KDM4C: variants seen among roughly 807,000 people sequenced by gnomAD.
KDM4C encodes the protein lysine demethylase 4C, also known as lysine-specific demethylase 4C.
A neutral mutation model predicts 129.3 loss-of-function variants in KDM4C; 81 were observed. That is an observed-to-expected ratio of 0.63 (90% CI 0.52 to 0.75). The LOEUF (loss-of-function observed/expected upper bound fraction) is 0.75, where lower values mean the gene tolerates loss of function less well. Among genes scored for constraint, KDM4C ranks in the 30% least tolerant of loss-of-function variants. KDM4C has a pLI of 0.00. For missense variants in KDM4C, 1,457 were observed against 1,304.0 expected, an observed-to-expected ratio of 1.12 and a Z score of -1.81; for synonymous variants, 573 against 456.1, an observed-to-expected ratio of 1.26 and a Z score of -3.26.
At chr9:6,912,961 T>G (rs1157090229) in intron 8 of KDM4C, among the ~76,000 whole-genome samples, 6 of 152,290 alleles carry the variant, frequency 3.9e-5, no homozygotes, top group African/African-American at 1.4e-4. Context: ...TCTATATTGT[T>G]CCAAATCAGT....
At chr9:6,835,713 G>T in intron 4 of KDM4C, 1 of 652,012 alleles carries the variant, frequency 1.5e-6, no homozygotes. Context: ...CTTGACTCAG[G>T]ATTTAAAAAC....
In KDM4C at chr9:7,013,916, A is replaced by G. The variant is rs760366293; in HGVS notation, c.2097A>G (p.Glu699=). The part of the protein sequence containing the change: ...MCFIYSEENI[E]YSPPNAFLEE... ...TTATTTATAGTGAAGAAAATATAGAATATTCTCCACCCAATGCCTTCCTTG... is the reference window on the plus strand; with the variant it reads ...TTATTTATAGTGAAGAAAATATAGAGTATTCTCCACCCAATGCCTTCCTTG... Residue 699 remains glutamate, a synonymous_variant, in exon 14 of 22, where the codon GAA becomes GAG. Transcript: ENST00000381309. 6.2e-7 allele frequency: 1 copy of G among 1,614,030 alleles called. No homozygotes were observed. Among genetic ancestry groups the G allele is most frequent in the East Asian group, 2.2e-5 (1 of 44,872 alleles).
In KDM4C at chr9:7,080,365, G is replaced by A. The variant is rs1410522455; in HGVS notation, c.2425-23320G>A. 2.7e-4 allele frequency among the ~76,000 whole-genome samples: 41 copies of A among 152,198 alleles called. 1 individual carries two copies. The highest frequency in any genetic ancestry group is 4.4e-5 in the Non-Finnish European group (3 of 68,036). ...GGCCCCTAAATGGCTGTGGAGGAGA[G>A]CTACCCCACTGAACTATTTGCCAGC... On this transcript the variant is annotated intron_variant, in intron 17 of 21. Transcript: ENST00000381309.
intron 8 of KDM4C, among the ~76,000 whole-genome samples, chr9:6,927,183 G>GC (rs1563826998): frequency 6.6e-6 from 1 of 151,690 alleles, no homozygotes; most frequent in Non-Finnish European, 1.5e-5. Context: ...TGGCTGTAGT[G>GC]CAGTGGCATG....
At chr9:7,028,174 C>T (rs1826111079) in intron 15 of KDM4C, among the ~76,000 whole-genome samples, 1 of 151,998 alleles carries the variant, frequency 6.6e-6, no homozygotes, top group East Asian at 1.9e-4. Flanking sequence ...CTTGTGGCCA[C>T]CATTACCTAG....
intron 8 of KDM4C, among the ~76,000 whole-genome samples, chr9:6,953,810 A>T: frequency 6.6e-6 from 1 of 152,280 alleles, no homozygotes; most frequent in South Asian, 2.1e-4. Flanking sequence ...CTTCTCCCAA[A>T]CTTGAATGGT....
In KDM4C at chr9:7,165,250, C is replaced by G. The variant is rs751436415; in HGVS notation, c.2794C>G (p.Leu932Val). ...GTTTATTCTGCAGAGCCGAGACTGT[C>G]TGAAGCTGGGCCCACCTGCTGAGGG... Reference protein sequence around the residue: ...FPEDIVSRDCLKLGPPAEGEV... With the variant: ...FPEDIVSRDCVKLGPPAEGEV... The change falls in exon 20 of 22, where the codon CTG becomes GTG. Residue 932 changes from leucine to valine, a missense_variant. Physicochemically the swap from Leu to Val is conservative, Grantham distance 32. Transcript: ENST00000381309. The G allele has an allele frequency of 5.0e-6, 8 of 1,614,040 alleles. No individual in the cohort carries two copies. The South Asian group carries it at 7.7e-5, about 16-fold the overall frequency.
chr9:7,110,917 G>C (rs1407865), intron 18 of KDM4C, among the ~76,000 whole-genome samples: 53,903 of 151,972 alleles, frequency 0.35, 9,972 homozygotes, highest in Middle Eastern at 0.51. Flanking sequence ...TGTTTAGCCA[G>C]ATCATCAAAA....
At chr9:6,820,235 G>A (rs778024603) in intron 4 of KDM4C, among the ~76,000 whole-genome samples, 1 of 152,150 alleles carries the variant, frequency 6.6e-6, no homozygotes, top group Non-Finnish European at 1.5e-5. Context: ...GAGTGGGGAC[G>A]ACATCTGAAC....
At position 6,780,305 on chromosome 9, in the gene KDM4C, A is replaced by G. The variant is rs150073544; in HGVS notation, c.-17-12667A>G. On this transcript the variant is annotated intron_variant, in intron 1 of 21. Transcript: ENST00000381309. Reference sequence around the variant, plus strand: ...TAAGTTGAATCCTTTGGAAAGCACCATTAAAGATGAGGTAATTTATTTTTA... The same window carrying G: ...TAAGTTGAATCCTTTGGAAAGCACCGTTAAAGATGAGGTAATTTATTTTTA... Among the ~76,000 whole-genome samples, 9 of 127,342 alleles carry G rather than the reference A, an allele frequency of 7.1e-5. No homozygotes were observed. In the Admixed American group the frequency reaches 7.6e-4, roughly 11 times the overall value. The allele number at this position is 127,342 out of a possible 152,430, so 83.5% of individuals were successfully genotyped here.
chr9:6,943,463 C>G (rs1240052261), intron 8 of KDM4C, among the ~76,000 whole-genome samples: 3 of 152,072 alleles, frequency 2.0e-5, no homozygotes, highest in Non-Finnish European at 4.4e-5. Flanking sequence ...AATCCTGGCA[C>G]TTCAGGACGC....
At chr9:7,060,409 T>G (rs1314269778) in intron 17 of KDM4C, among the ~76,000 whole-genome samples, 4 of 150,788 alleles carry the variant, frequency 2.7e-5, no homozygotes, top group Non-Finnish European at 4.4e-5. Context: ...GATAGTAGTG[T>G]TAATACTAAT....
intron 5 of KDM4C, among the ~76,000 whole-genome samples, chr9:6,856,072 G>A (rs1249594696): frequency 6.6e-6 from 1 of 151,978 alleles, no homozygotes; most frequent in African/African-American, 2.4e-5. Flanking sequence ...TGCCTCTAGT[G>A]CCTGGCACAG....
chr9:7,089,888 T>G (rs955205656), intron 17 of KDM4C, among the ~76,000 whole-genome samples: 1 of 152,244 alleles, frequency 6.6e-6, no homozygotes, highest in Non-Finnish European at 1.5e-5. Flanking sequence ...AGAGTTCTCA[T>G]GAGGGATTTT....
At chr9:7,079,015 C>T (rs75040219) in intron 17 of KDM4C, among the ~76,000 whole-genome samples, 2 of 152,098 alleles carry the variant, frequency 1.3e-5, no homozygotes, top group African/African-American at 4.8e-5. Context: ...ATTTCAGACT[C>T]CCAGAAGAAA....
intron 8 of KDM4C, among the ~76,000 whole-genome samples, chr9:6,967,607 G>C (rs1402734743): frequency 6.6e-6 from 1 of 152,152 alleles, no homozygotes; most frequent in Non-Finnish European, 1.5e-5. Context: ...GGAAGATGCT[G>C]TTATCTGGAG....
chr9:6,867,568 T>C (rs1278697559), intron 5 of KDM4C, among the ~76,000 whole-genome samples: 3 of 152,262 alleles, frequency 2.0e-5, no homozygotes, highest in African/African-American at 7.2e-5. Context: ...GTCAACTTCT[T>C]GTGTTCTTAC....
intron 15 of KDM4C, among the ~76,000 whole-genome samples, chr9:7,022,183 T>A (rs1036490507): frequency 9.2e-5 from 14 of 152,224 alleles, no homozygotes; most frequent in African/African-American, 3.4e-4. Context: ...TTTCTATTTC[T>A]GTGAAGAATG....
chr9:6,922,094 C>T (rs564803460), intron 8 of KDM4C, among the ~76,000 whole-genome samples: 3 of 152,298 alleles, frequency 2.0e-5, no homozygotes, highest in Non-Finnish European at 2.9e-5. Flanking sequence ...GTACATAGTA[C>T]ACGTTCAGCA....
Sources: gnomAD v4.1 joint callset for allele counts (sites outside exome capture counted in the v4.1 genomes callset) on GRCh38, gnomAD v4.1.1 for gene constraint, MANE v1.5 for transcripts, NCBI Gene and HGNC (gene_info 2026-07-23, HGNC 2026-07-21) for gene names.